The following ZNF99 variants were observed in gnomAD, a reference collection of about 807,000 sequenced individuals.
The protein encoded by ZNF99 is zinc finger protein ENSP00000375192.
Under a neutral mutation model 12.8 loss-of-function variants are expected in ZNF99, and 8 were observed. The observed-to-expected ratio is 0.62, with a 90% CI of 0.37 to 1.13. ZNF99 has a LOEUF of 1.13. Among genes scored for constraint, ZNF99 ranks in the 50% most tolerant of loss-of-function variants. The pLI, the probability that ZNF99 is intolerant of heterozygous loss-of-function variation, is 0.02. For synonymous variants in ZNF99, 318 were observed against 319.0 expected, an observed-to-expected ratio of 1.00 and a Z score of 0.03; for missense variants, 1,007 against 1,006.2, an observed-to-expected ratio of 1.00 and a Z score of -0.01.
Position 22,768,293 on chromosome 19 carries a change from A to G in ZNF99, c.226+12T>C. ...CTTATTTGTGTTGTTTCTTGTATTC[A>G]CTCTCACATACCTGGGGGTTTAGTT... is the stretch of plus-strand genomic sequence containing the variant. On this transcript the variant is annotated intron_variant, in intron 3 of 3. Coordinates refer to ENST00000596209, the MANE Select transcript of ZNF99 (RefSeq NM_001080409.3). 1 of 1,613,276 alleles carries G rather than the reference A, an allele frequency of 6.2e-7. No homozygotes were observed. Among genetic ancestry groups the G allele is most frequent in the Non-Finnish European group, 8.5e-7 (1 of 1,179,596 alleles).
chr19:22,769,068 C>A (rs1171213998), intron 2 of ZNF99, 130 bp downstream of exon 2: 5 of 952,544 alleles, frequency 5.2e-6, no homozygotes, highest in Non-Finnish European at 7.5e-6. Flanking sequence ...ACTTTCAAAT[C>A]CCTGTTTTCA....
intron 3 of ZNF99, among the ~76,000 whole-genome samples, chr19:22,762,496 A>G (rs1973160703): frequency 6.7e-6 from 1 of 148,174 alleles, no homozygotes; most frequent in African/African-American, 2.7e-5. Flanking sequence ...ATGGTAATTT[A>G]AAAATTACCA....
At chr19:22,776,408 GATATATATATATATATATATAT>G (rs55638958) in intron 1 of ZNF99, among the ~76,000 whole-genome samples, 55 of 69,642 alleles carry the variant, frequency 7.9e-4, no homozygotes, top group Admixed American at 9.6e-4. Context: ...TCCAAAATAA[GATATATATATATATATATATAT>G]ATATATATAT....
chr19:22,781,896 A>G (rs1973391917), intron 1 of ZNF99, among the ~76,000 whole-genome samples: 1 of 152,164 alleles, frequency 6.6e-6, no homozygotes, highest in Admixed American at 6.5e-5. Flanking sequence ...AAGTTTCCAA[A>G]GGAAAACCTT....
rs1568383787 is a variant in ZNF99 at position 22,759,244 on chromosome 19, ATTATC to A, written c.660_664del (p.Lys220AsnfsTer4). On this transcript the variant is annotated frameshift_variant, in exon 4 of 4. Transcript: ENST00000596209. LOFTEE classifies it low-confidence loss of function (END_TRUNC). ...TTTGTAGGGTTTGTCTTCAGTATGA[ATTATC>A]TTATGTTTAATAAGGGTTGAGAACC... 1 of 1,556,044 alleles carries A rather than the reference ATTATC, an allele frequency of 6.4e-7. No homozygotes were observed. The highest frequency in any genetic ancestry group is 1.2e-5 in the South Asian group (1 of 85,276).
At chr19:22,783,059 C>T (rs1973407858) in intron 1 of ZNF99, among the ~76,000 whole-genome samples, 2 of 152,040 alleles carry the variant, frequency 1.3e-5, no homozygotes, top group African/African-American at 4.8e-5. Flanking sequence ...GAGGGCAGAT[C>T]ACCTGACGTC....
At chr19:22,778,829 A>G (rs937054033) in intron 1 of ZNF99, among the ~76,000 whole-genome samples, 1 of 151,876 alleles carries the variant, frequency 6.6e-6, no homozygotes, top group Non-Finnish European at 1.5e-5. Context: ...ACATGAAGAA[A>G]CCTCGTCTCT....
intron 1 of ZNF99, among the ~76,000 whole-genome samples, chr19:22,769,595 G>A (rs567394367): frequency 3.3e-5 from 5 of 152,024 alleles, no homozygotes; most frequent in East Asian, 3.9e-4. Context: ...GTGAAACCCC[G>A]TCTCTACTAA....
chr19:22,768,946 T>A (rs543744235), intron 2 of ZNF99, among the ~76,000 whole-genome samples: 43 of 151,914 alleles, frequency 2.8e-4, no homozygotes, highest in Middle Eastern at 3.4e-3. Flanking sequence ...GAAGAATTGC[T>A]TGAACCTGGG....
intron 1 of ZNF99, among the ~76,000 whole-genome samples, chr19:22,782,966 C>T (rs1290953927): frequency 6.6e-6 from 1 of 152,074 alleles, no homozygotes; most frequent in Non-Finnish European, 1.5e-5. Context: ...CCGAGCCAGG[C>T]CTGATAATCT....
chr19:22,755,402 G>T lies in ZNF99; in HGVS notation c.*1912C>A. 1 of 297,274 alleles carries T rather than the reference G, an allele frequency of 3.4e-6. No individual in the cohort carries two copies. The highest frequency in any genetic ancestry group is 6.9e-6 in the Non-Finnish European group (1 of 144,680). The allele number at this position is 297,274 out of a possible 1,614,324, so 18.4% of individuals were successfully genotyped here. ...TTCTCTTCAGTATGAATTATCTTATGTTCAGTAAGGTTTGAGGACCAGTTA... is the reference window on the plus strand; with the variant it reads ...TTCTCTTCAGTATGAATTATCTTATTTTCAGTAAGGTTTGAGGACCAGTTA... On this transcript the variant is annotated 3_prime_UTR_variant, in exon 4 of 4. Transcript: ENST00000596209.
In ZNF99 at chr19:22,757,010, CTAAAAGCTTTGCCACAT is replaced by C; in HGVS notation, c.*287_*303del. 1 of 1,561,384 alleles carries C rather than the reference CTAAAAGCTTTGCCACAT, an allele frequency of 6.4e-7. No homozygotes were observed. Among genetic ancestry groups the C allele is most frequent in the Non-Finnish European group, 8.7e-7 (1 of 1,151,948 alleles). On this transcript the variant is annotated 3_prime_UTR_variant, in exon 4 of 4. Transcript: ENST00000596209. ...ATGTTTCCTAAGGGCTGAGAAATTG[CTAAAAGCTTTGCCACAT>C]TCTTCACATTTGTACGATTTCTCCC...
chr19:22,756,280 T>C lies in ZNF99; in HGVS notation c.*1034A>G, dbSNP rs1200990977. The C allele has an allele frequency of 6.4e-7, 1 of 1,573,430 alleles. No homozygotes were observed. Among genetic ancestry groups the C allele is most frequent in the Non-Finnish European group, 8.6e-7 (1 of 1,159,020 alleles). ...GATGGTTAAAAGCTTTGCCACATTC[T>C]TCACATTTGTAGGTTTTCCCTCCAG... On this transcript the variant is annotated 3_prime_UTR_variant, in exon 4 of 4. Coordinates refer to ENST00000596209, the MANE Select transcript of ZNF99 (RefSeq NM_001080409.3).
rs980346843 is a variant in ZNF99, at chr19:22,755,092, A to T, written c.*2222T>A. The T allele has an allele frequency of 2.3e-4, 38 of 164,504 alleles. No individual in the cohort carries two copies. Among genetic ancestry groups the T allele is most frequent in the Admixed American group, 8.6e-4 (14 of 16,186 alleles). 10.2% of individuals were successfully genotyped at this position (164,504 alleles called of 1,614,324 possible). On this transcript the variant is annotated 3_prime_UTR_variant, in exon 4 of 4. Transcript: ENST00000596209. ...CTGTTTCAAAAAAAAAAAAAAAAAA[A>T]TTGAAGAATGCTTATGGCATTATTC...
intron 3 of ZNF99, among the ~76,000 whole-genome samples, chr19:22,766,416 C>T (rs2145149442): frequency 6.6e-6 from 1 of 151,282 alleles, no homozygotes; most frequent in South Asian, 2.1e-4. Context: ...CTCAGCTCAC[C>T]ACAACCTACG....
In ZNF99 at chr19:22,756,220, A is replaced by T. The variant is rs1973049440; in HGVS notation, c.*1094T>A. 1 of 1,567,570 alleles carries T rather than the reference A, an allele frequency of 6.4e-7. No individual in the cohort carries two copies. On this transcript the variant is annotated 3_prime_UTR_variant, in exon 4 of 4. Transcript: ENST00000596209. Reference sequence around the variant, plus strand: ...CTTCACATTTTTAGGGCTTCTCCCCAGTATGAATTATCTTATGTTTAGTAA... The same window carrying T: ...CTTCACATTTTTAGGGCTTCTCCCCTGTATGAATTATCTTATGTTTAGTAA...
intron 2 of ZNF99, 146 bp from the exon 3 acceptor site, chr19:22,768,546 T>A: frequency 2.9e-6 from 2 of 688,484 alleles, no homozygotes; most frequent in Non-Finnish European, 4.4e-6. Flanking sequence ...AGAAAATATT[T>A]TCAATTTGTA....
chr19:22,769,200 AG>A lies in ZNF99; in HGVS notation c.127del (p.Leu43TrpfsTer8). 2 of 1,606,112 alleles carry A rather than the reference AG, an allele frequency of 1.2e-6. No individual in the cohort carries two copies. The highest frequency in any genetic ancestry group is 1.7e-6 in the Non-Finnish European group (2 of 1,175,600). On this transcript the variant is annotated frameshift_variant, in exon 2 of 4. Coordinates refer to ENST00000596209, the MANE Select transcript of ZNF99 (RefSeq NM_001080409.3). LOFTEE classifies it high-confidence loss of function. ...MLENYRNLVF[L>X]GIAVSKLDLI... ...TGCTTAATTAAAATCATCCTCACCC[AG>A]GAAGACCAGGTTTCTGTAGTTCTCT...
chr19:22,770,137 T>C (rs1481386030), intron 1 of ZNF99, among the ~76,000 whole-genome samples: 1 of 152,180 alleles, frequency 6.6e-6, no homozygotes, highest in Non-Finnish European at 1.5e-5. Flanking sequence ...AAGAATCTTT[T>C]GTTAAATATT....
Sources: gnomAD v4.1 joint callset for allele counts (sites outside exome capture counted in the v4.1 genomes callset) on GRCh38, gnomAD v4.1.1 for gene constraint, MANE v1.5 for transcripts, NCBI Gene and HGNC (gene_info 2026-07-23, HGNC 2026-07-21) for gene names.